The following TSPYL6 variants were observed in gnomAD, a reference collection of about 807,000 sequenced individuals.
The protein encoded by TSPYL6 is testis-specific Y-encoded-like protein 6.
For synonymous variants in TSPYL6, 259 were observed against 214.8 expected (o/e 1.21, Z -1.80); for missense variants, 699 against 531.5 (o/e 1.32, Z -3.10).
At position 54,254,997 on chromosome 2, in the gene TSPYL6, T is replaced by C; in HGVS notation, c.1155A>G (p.Glu385=). ...SNPLQYYLLG[E]DAHRARRRLV... ...GGCGACGTCTAGCTCTATGGGCGTC[T>C]TCACCCAACAGGTAGTACTGCAGTG... Residue 385 remains glutamate, a synonymous_variant, in exon 1 of 1, where the codon GAA becomes GAG. Coordinates refer to ENST00000317802, the MANE Select transcript of TSPYL6 (RefSeq NM_001003937.3). 6.2e-7 allele frequency: 1 copy of C among 1,614,030 alleles called. No individual in the cohort carries two copies. The highest frequency in any genetic ancestry group is 2.2e-5 in the East Asian group (1 of 44,860).
In TSPYL6 at chr2:54,254,245, T is replaced by A. The variant is rs186455695; in HGVS notation, c.*674A>T. On this transcript the variant is annotated 3_prime_UTR_variant, in exon 1 of 1. Transcript: ENST00000317802. ...TCTTTTGGAAGAGGAACAGGTCTTTTGTGTGCTGACAGGAAAGCTGTGTCC... is the reference window on the plus strand; with the variant it reads ...TCTTTTGGAAGAGGAACAGGTCTTTAGTGTGCTGACAGGAAAGCTGTGTCC... 27 of 152,396 alleles carry A rather than the reference T, an allele frequency of 1.8e-4. No individual in the cohort carries two copies. The highest frequency in any genetic ancestry group is 1.6e-3 in the Admixed American group (25 of 15,308). The allele number at this position is 152,396 out of a possible 1,614,324, so 9.4% of individuals were successfully genotyped here.
rs766209903 is a variant in TSPYL6 at position 54,255,824 on chromosome 2, T to G, written c.328A>C (p.Ser110Arg). 1.2e-6 allele frequency: 2 copies of G among 1,614,010 alleles called. No individual in the cohort carries two copies. Among genetic ancestry groups the G allele is most frequent in the East Asian group, 2.2e-5 (1 of 44,850 alleles). The change falls in exon 1 of 1, where the codon AGC (serine) becomes CGC (arginine). Residue 110 changes from serine (S) to arginine (R), a missense_variant. Physicochemically the swap from Ser to Arg is moderately radical, Grantham distance 110. Coordinates refer to ENST00000317802, the MANE Select transcript of TSPYL6 (RefSeq NM_001003937.3). ...AASASLTTDG[S>R]LKNGFPGEET... The stretch of plus-strand genomic sequence containing the variant: ...TCACCCGGAAAGCCATTTTTGAGGC[T>G]GCCGTCAGTTGTCAGCGAGGCAGAG...
rs766707482 is a variant in TSPYL6, at chr2:54,256,005, G to A, written c.147C>T (p.Phe49=). Reference sequence around the variant, plus strand: ...CCTCCTCTGGAAGCCGGGGCGGTGGGAACACGATTGGCTCCAAGCGGCCAT... The same window carrying A: ...CCTCCTCTGGAAGCCGGGGCGGTGGAAACACGATTGGCTCCAAGCGGCCAT... ...MFDGRLEPIV[F]PPPRLPEEGV... Residue 49 remains phenylalanine, a synonymous_variant, in exon 1 of 1, where the codon TTC becomes TTT. Transcript: ENST00000317802. 1.4e-5 allele frequency: 23 copies of A among 1,614,136 alleles called. No homozygotes were observed. In the African/African-American group the frequency reaches 2.1e-4, roughly 15 times the overall value.
At position 54,255,470 on chromosome 2, in the gene TSPYL6, G is replaced by C; in HGVS notation, c.682C>G (p.Arg228Gly). ...EADRALLQVE[R>G]RFGQIHEYYL... is the part of the protein sequence containing the mutation. Reference sequence around the variant, plus strand: ...TATTCATGAATCTGCCCAAACCTGCGCTCCACCTGCAGGAGCGCCCTGTCA... The same window carrying C: ...TATTCATGAATCTGCCCAAACCTGCCCTCCACCTGCAGGAGCGCCCTGTCA... The change falls in exon 1 of 1, where the codon CGC (arginine) becomes GGC (glycine). Residue 228 changes from arginine (R) to glycine (G), a missense_variant. Transcript: ENST00000317802. 6.2e-7 allele frequency: 1 copy of C among 1,613,896 alleles called. No individual in the cohort carries two copies. The highest frequency in any genetic ancestry group is 8.5e-7 in the Non-Finnish European group (1 of 1,179,988).
Position 54,256,187 on chromosome 2 carries a change from A to G in TSPYL6, c.-36T>C, listed in dbSNP as rs1292310412. The G allele has an allele frequency of 6.4e-7, 1 of 1,569,822 alleles. No homozygotes were observed. Among genetic ancestry groups the G allele is most frequent in the Admixed American group, 1.9e-5 (1 of 53,540 alleles). On this transcript the variant is annotated 5_prime_UTR_variant, in exon 1 of 1. Transcript: ENST00000317802. ...GCCAGGGCAGCAGTGGGTAGAGGCC[A>G]GGCCAGAGGTAGGTAGCGTCAACGT...
Position 54,255,260 on chromosome 2 carries a change from A to G in TSPYL6, c.892T>C (p.Phe298Leu). 6.2e-7 allele frequency: 1 copy of G among 1,614,164 alleles called. No individual in the cohort carries two copies. Among genetic ancestry groups the G allele is most frequent in the East Asian group, 2.2e-5 (1 of 44,872 alleles). The change falls in exon 1 of 1, where the codon TTT becomes CTT. Residue 298 changes from phenylalanine (F) to leucine (L), a missense_variant. Physicochemically the swap from Phe to Leu is conservative, Grantham distance 22. Transcript: ENST00000317802. ...TTTCTGAAGTAAGGGTTTCTTTGAAAGAAGAACTTAAACTTGCAGCCTGTC... is the reference window on the plus strand; with the variant it reads ...TTTCTGAAGTAAGGGTTTCTTTGAAGGAAGAACTTAAACTTGCAGCCTGTC... ...PRTGCKFKFF[F>L]QRNPYFRNKL...
In TSPYL6 at chr2:54,255,953, C is replaced by T; in HGVS notation, c.199G>A (p.Gly67Ser). Residue 67 changes from glycine (G) to serine (S), a missense_variant, in exon 1 of 1, where the codon GGT becomes AGT. Transcript: ENST00000317802. ...EGVAPQDPADGGHTFHILVDA... is the reference protein window; with the variant it reads ...EGVAPQDPADSGHTFHILVDA... The stretch of plus-strand genomic sequence containing the variant: ...ACCAAGATGTGGAAAGTATGGCCAC[C>T]ATCTGCGGGATCCTGGGGCGCGACC... 1 of 1,614,166 alleles carries T rather than the reference C, an allele frequency of 6.2e-7. No individual in the cohort carries two copies. The highest frequency in any genetic ancestry group is 1.1e-5 in the South Asian group (1 of 91,076).
chr2:54,255,539 G>C lies in TSPYL6; in HGVS notation c.613C>G (p.Leu205Val). Residue 205 changes from leucine (L) to valine (V), a missense_variant, in exon 1 of 1, where the codon CTG becomes GTG. Transcript: ENST00000317802. The part of the protein sequence containing the change: ...PLNVGLHLNP[L>V]ESIQLELDSV... Reference sequence around the variant, plus strand: ...TCCAGTTCCAGCTGGATGGACTCCAGGGGGTTCAGGTGGAGACCCACGTTC... The same window carrying C: ...TCCAGTTCCAGCTGGATGGACTCCACGGGGTTCAGGTGGAGACCCACGTTC... 1 of 1,613,662 alleles carries C rather than the reference G, an allele frequency of 6.2e-7. No individual in the cohort carries two copies.
At position 54,254,920 on chromosome 2, in the gene TSPYL6, T is replaced by A. The variant is rs1273911931; in HGVS notation, c.1232A>T (p.Ter411LeuextTer42). ...CAGGAGTAATTCCAAAGGCAAAGGT[T>A]AACCACACTGGAACCCAAAGGGCCT... ...IPRPFGFQCG[*>L] Residue 411 changes from the stop codon to leucine (L), a stop_lost, in exon 1 of 1, where the codon TAA becomes TTA. Transcript: ENST00000317802. 4.4e-6 allele frequency: 7 copies of A among 1,608,320 alleles called. 1 individual carries two copies. In the South Asian group the frequency reaches 7.8e-5, roughly 18 times the overall value.
chr2:54,255,450 A>G lies in TSPYL6; in HGVS notation c.702T>C (p.His234=). 1 of 1,614,022 alleles carries G rather than the reference A, an allele frequency of 6.2e-7. No individual in the cohort carries two copies. The highest frequency in any genetic ancestry group is 1.1e-5 in the South Asian group (1 of 91,078). ...LQVERRFGQI[H]EYYLEQRNDI... ...CATTCCTCTGCTCCAGGTAGTATTC[A>G]TGAATCTGCCCAAACCTGCGCTCCA... The change falls in exon 1 of 1, where the codon CAT becomes CAC. Residue 234 remains histidine, a synonymous_variant. Coordinates refer to ENST00000317802, the MANE Select transcript of TSPYL6 (RefSeq NM_001003937.3).
rs899067312 is a variant in TSPYL6 at position 54,256,208 on chromosome 2, A to G, written c.-57T>C. 5.9e-6 allele frequency: 9 copies of G among 1,533,202 alleles called. No homozygotes were observed. The highest frequency in any genetic ancestry group is 7.9e-6 in the Non-Finnish European group (9 of 1,139,952). The allele number at this position is 1,533,202 out of a possible 1,614,324, so 95.0% of individuals were successfully genotyped here. A position where few individuals can be genotyped will look rare whatever the true frequency, so the allele number is the denominator to read the frequency against. ...GGCCAGGCCAGAGGTAGGTAGCGTC[A>G]ACGTTCCTCACACAAAATGGCGAGT... On this transcript the variant is annotated 5_prime_UTR_variant, in exon 1 of 1. Transcript: ENST00000317802.
chr2:54,254,952 C>G lies in TSPYL6; in HGVS notation c.1200G>C (p.Glu400Asp). 1 of 1,613,210 alleles carries G rather than the reference C, an allele frequency of 6.2e-7. No individual in the cohort carries two copies. The highest frequency in any genetic ancestry group is 1.1e-5 in the South Asian group (1 of 90,916). The change falls in exon 1 of 1, where the codon GAG becomes GAC. Residue 400 changes from glutamate (E) to aspartate (D), a missense_variant. By Grantham distance (45) the Glu-to-Asp change is conservative. Transcript: ENST00000317802. ...ACTGGAACCCAAAGGGCCTGGGGATCTCCACTGGCTCCCTTACCAGGCGAC... is the reference window on the plus strand; with the variant it reads ...ACTGGAACCCAAAGGGCCTGGGGATGTCCACTGGCTCCCTTACCAGGCGAC... ...ARRRLVREPV[E>D]IPRPFGFQCG
Position 54,255,191 on chromosome 2 carries a change from C to T in TSPYL6, c.961G>A (p.Val321Met). 1 of 1,614,204 alleles carries T rather than the reference C, an allele frequency of 6.2e-7. No homozygotes were observed. The change falls in exon 1 of 1, where the codon GTG (valine) becomes ATG (methionine). Residue 321 changes from valine (V) to methionine (M), a missense_variant. Val to Met is a conservative substitution (Grantham distance 21). Coordinates refer to ENST00000317802, the MANE Select transcript of TSPYL6 (RefSeq NM_001003937.3). Reference protein sequence around the residue: ...KVYEVRSFGQVVSFSTLIMWR... With the variant: ...KVYEVRSFGQMVSFSTLIMWR... ...ATGATTAGAGTGGAAAAAGACACCA[C>T]TTGGCCGAAGGATCTGACCTCATAC...
At position 54,255,391 on chromosome 2, in the gene TSPYL6, G is replaced by A. The variant is rs756591031; in HGVS notation, c.761C>T (p.Thr254Ile). The part of the protein sequence containing the change: ...IIRNIPGFWV[T>I]AFRHHPQLSA... Reference sequence around the variant, plus strand: ...CAGCTGTGGGTGGTGGCGGAAAGCAGTGACCCAGAAGCCCGGGATATTGCG... The same window carrying A: ...CAGCTGTGGGTGGTGGCGGAAAGCAATGACCCAGAAGCCCGGGATATTGCG... The change falls in exon 1 of 1, where the codon ACT (threonine) becomes ATT (isoleucine). Residue 254 changes from threonine to isoleucine, a missense_variant. Transcript: ENST00000317802. 7.4e-6 allele frequency: 12 copies of A among 1,613,936 alleles called. No homozygotes were observed. The Admixed American group carries it at 8.3e-5, about 11-fold the overall frequency.
In TSPYL6 at chr2:54,253,348, A is replaced by G. The variant is rs1172469616; in HGVS notation, c.*1571T>C. ...CATATCCACATAATGTACAAAAAAG[A>G]AAGACTGATATTATTCCAAATATTT... On this transcript the variant is annotated 3_prime_UTR_variant, in exon 1 of 1. Coordinates refer to ENST00000317802, the MANE Select transcript of TSPYL6 (RefSeq NM_001003937.3). 1.3e-5 allele frequency: 2 copies of G among 152,246 alleles called. No individual in the cohort carries two copies. Among genetic ancestry groups the G allele is most frequent in the Non-Finnish European group, 2.9e-5 (2 of 68,046 alleles). 9.4% of individuals were successfully genotyped at this position (152,246 alleles called of 1,614,324 possible).
rs1304670960 is a variant in TSPYL6, at chr2:54,255,698, G to A, written c.454C>T (p.Pro152Ser). The change falls in exon 1 of 1, where the codon CCT (proline) becomes TCT (serine). Residue 152 changes from proline to serine, a missense_variant. Coordinates refer to ENST00000317802, the MANE Select transcript of TSPYL6 (RefSeq NM_001003937.3). Reference protein sequence around the residue: ...IAEGKAEDVKPEECAMFSAPV... With the variant: ...IAEGKAEDVKSEECAMFSAPV... ...GCTGAGAACATGGCACACTCCTCAG[G>A]CTTCACGTCCTCGGCCTTCCCCTCT... 4.3e-6 allele frequency: 7 copies of A among 1,613,728 alleles called. No homozygotes were observed. The highest frequency in any genetic ancestry group is 3.3e-5 in the South Asian group (3 of 91,066).
chr2:54,255,689 A>T lies in TSPYL6; in HGVS notation c.463T>A (p.Cys155Ser), dbSNP rs371819321. ...TCCACTGGGGCTGAGAACATGGCACACTCCTCAGGCTTCACGTCCTCGGCC... is the reference window on the plus strand; with the variant it reads ...TCCACTGGGGCTGAGAACATGGCACTCTCCTCAGGCTTCACGTCCTCGGCC... ...GKAEDVKPEE[C>S]AMFSAPVDEK... The change falls in exon 1 of 1, where the codon TGT becomes AGT. Residue 155 changes from cysteine to serine, a missense_variant. Physicochemically the swap from Cys to Ser is moderately radical, Grantham distance 112. Coordinates refer to ENST00000317802, the MANE Select transcript of TSPYL6 (RefSeq NM_001003937.3). 9 of 1,613,446 alleles carry T rather than the reference A, an allele frequency of 5.6e-6. No homozygotes were observed. In the African/African-American group the frequency reaches 1.1e-4, roughly 19 times the overall value.
In TSPYL6 at chr2:54,254,733, G is replaced by T. The variant is rs1687409030; in HGVS notation, c.*186C>A. On this transcript the variant is annotated 3_prime_UTR_variant, in exon 1 of 1. Coordinates refer to ENST00000317802, the MANE Select transcript of TSPYL6 (RefSeq NM_001003937.3). ...TAATGCAGAATAGCAAGACGACCAG[G>T]TGAAAGGGGAGCAGCACAGCCACCA... 1.7e-6 allele frequency: 1 copy of T among 597,838 alleles called. No homozygotes were observed. The highest frequency in any genetic ancestry group is 2.3e-5 in the South Asian group (1 of 44,070). 37.0% of individuals were successfully genotyped at this position (597,838 alleles called of 1,614,324 possible).
rs1277221648 is a variant in TSPYL6, at chr2:54,256,180, A to G, written c.-29T>C. ...GGTAGCGGCCAGGGCAGCAGTGGGT[A>G]GAGGCCAGGCCAGAGGTAGGTAGCG... On this transcript the variant is annotated 5_prime_UTR_variant, in exon 1 of 1. Coordinates refer to ENST00000317802, the MANE Select transcript of TSPYL6 (RefSeq NM_001003937.3). 1.9e-6 allele frequency: 3 copies of G among 1,590,076 alleles called. No individual in the cohort carries two copies. Among genetic ancestry groups the G allele is most frequent in the African/African-American group, 2.7e-5 (2 of 74,320 alleles).
Sources: gnomAD v4.1 joint callset for allele counts on GRCh38, gnomAD v4.1.1 for gene constraint, MANE v1.5 for transcripts, NCBI Gene and HGNC (gene_info 2026-07-23, HGNC 2026-07-21) for gene names.